Variants in MTBP observed in about 807,000 individuals in gnomAD.
The protein encoded by MTBP is MDM2 binding protein.
In MTBP, 101 loss-of-function variants were observed where a neutral mutation model predicts 117.0. The observed-to-expected ratio is 0.86, with a 90% CI of 0.73 to 1.02. The LOEUF (loss-of-function observed/expected upper bound fraction) is 1.02. Ranked by LOEUF, MTBP falls within the 50% of genes least tolerant of loss-of-function variation. The pLI, the probability that MTBP is intolerant of heterozygous loss-of-function variation, is 0.00. For synonymous variants in MTBP, 350 were observed against 351.5 expected, an observed-to-expected ratio of 1.00 and a Z score of 0.05; for missense variants, 970 against 1,030.9, an observed-to-expected ratio of 0.94 and a Z score of 0.81.
chr8:120,488,362 G>T, intron 12 of MTBP, 30 bp downstream of exon 12: 1 of 1,457,966 alleles, frequency 6.9e-7, no homozygotes, highest in African/African-American at 1.5e-5. Context: ...AGAAAAACAT[G>T]TTTACATTGT....
At position 120,509,824 on chromosome 8, in the gene MTBP, A is replaced by G. The variant is rs1355740115; in HGVS notation, c.1884-110A>G. ...GTGCCTTAACCTTTGTCCCATATAA[A>G]ATTCCAATTGTAGAGGAAAAAGTCA... On this transcript the variant is annotated intron_variant, in intron 16 of 21. Coordinates refer to ENST00000305949, the MANE Select transcript of MTBP (RefSeq NM_022045.5). 8.8e-6 allele frequency: 6 copies of G among 685,706 alleles called. No homozygotes were observed. In the East Asian group the frequency reaches 1.6e-4, roughly 19 times the overall value. 42.5% of individuals were successfully genotyped at this position (685,706 alleles called of 1,614,324 possible).
At chr8:120,491,262 T>TA (rs1246114097) in intron 13 of MTBP, among the ~76,000 whole-genome samples, 1 of 152,136 alleles carries the variant, frequency 6.6e-6, no homozygotes, top group African/African-American at 2.4e-5. Context: ...TCGAATTATA[T>TA]ATTACATATA....
chr8:120,476,446 G>T (rs565447953), intron 11 of MTBP, among the ~76,000 whole-genome samples: 4 of 152,042 alleles, frequency 2.6e-5, no homozygotes, highest in Admixed American at 2.6e-4. Context: ...TATTCAGATA[G>T]GAAGAGAGGA....
chr8:120,462,895 T>G (rs938151124), intron 9 of MTBP, among the ~76,000 whole-genome samples: 2 of 152,180 alleles, frequency 1.3e-5, no homozygotes, highest in African/African-American at 4.8e-5. Context: ...AAAAAGTTGC[T>G]GCATTAAAAA....
At chr8:120,460,143 C>G (rs571849224) in intron 8 of MTBP, among the ~76,000 whole-genome samples, 1 of 152,170 alleles carries the variant, frequency 6.6e-6, no homozygotes, top group Non-Finnish European at 1.5e-5. Flanking sequence ...TTGATTTGAA[C>G]TCATTTCTCA....
At position 120,451,161 on chromosome 8, in the gene MTBP, G is replaced by T. The variant is rs1452406292; in HGVS notation, c.274-10G>T. On this transcript the variant is annotated splice_polypyrimidine_tract_variant and intron_variant, in intron 3 of 21. Coordinates refer to ENST00000305949, the MANE Select transcript of MTBP (RefSeq NM_022045.5). ...GATCCATTATTTAATACAATCTTTT[G>T]ATTTGTTAGTTTTGTAGTTCTGATT... The T allele has an allele frequency of 3.1e-6, 5 of 1,593,432 alleles. No individual in the cohort carries two copies. The highest frequency in any genetic ancestry group is 2.2e-5 in the South Asian group (2 of 88,910).
At chr8:120,503,730 C>G (rs1013515748) in intron 15 of MTBP, among the ~76,000 whole-genome samples, 2 of 152,102 alleles carry the variant, frequency 1.3e-5, no homozygotes, top group African/African-American at 4.8e-5. Context: ...ACAGATGGCT[C>G]TATCTGTAGG....
chr8:120,521,740 GT>G (rs1464255588), intron 20 of MTBP, among the ~76,000 whole-genome samples: 1 of 152,156 alleles, frequency 6.6e-6, no homozygotes, highest in African/African-American at 2.4e-5. Flanking sequence ...GCTTCCTTTT[GT>G]ATGTCATTCT....
intron 20 of MTBP, among the ~76,000 whole-genome samples, chr8:120,521,212 A>C (rs986302259): frequency 6.6e-6 from 1 of 152,202 alleles, no homozygotes; most frequent in South Asian, 2.1e-4. Context: ...ATTTATTGCC[A>C]GTATTTAGGA....
intron 18 of MTBP, among the ~76,000 whole-genome samples, chr8:120,516,773 C>G (rs1814928368): frequency 6.6e-6 from 1 of 151,936 alleles, no homozygotes; most frequent in Non-Finnish European, 1.5e-5. Context: ...ATCTTTAGAA[C>G]CTTTGTCAAA....
intron 10 of MTBP, among the ~76,000 whole-genome samples, chr8:120,466,364 A>C (rs1813694182): frequency 6.6e-6 from 1 of 150,478 alleles, no homozygotes; most frequent in Non-Finnish European, 1.5e-5. Context: ...AGCATACACC[A>C]CCATGGTTGG....
chr8:120,459,152 T>G, intron 7 of MTBP, 63 bp from the exon 8 acceptor site: 1 of 1,354,986 alleles, frequency 7.4e-7, no homozygotes, highest in Non-Finnish European at 1.0e-6. Context: ...TGTAATAAGA[T>G]GTATTAATCT....
intron 11 of MTBP, among the ~76,000 whole-genome samples, chr8:120,478,434 T>C (rs1008376061): frequency 2.0e-5 from 3 of 152,152 alleles, no homozygotes; most frequent in Non-Finnish European, 4.4e-5. Flanking sequence ...TTCAATTTTA[T>C]GTCTTGATAT....
Position 120,451,039 on chromosome 8 carries a change from G to A in MTBP, c.236G>A (p.Trp79Ter). ...GGAGGTATACCTGGTTCCAAGAAGT[G>A]GTTCTTTGCAGTGCAGGCAATATAT... is the stretch of plus-strand genomic sequence containing the variant. ...SVGGIPGSKK[W>*]FFAVQAIYGF... is the part of the protein sequence containing the mutation. Residue 79 changes from tryptophan (W) to a stop codon, truncating the protein, a stop_gained, in exon 3 of 22, where the codon TGG becomes TAG. Transcript: ENST00000305949. LOFTEE classifies it high-confidence loss of function. 1 of 1,612,528 alleles carries A rather than the reference G, an allele frequency of 6.2e-7. No individual in the cohort carries two copies. The highest frequency in any genetic ancestry group is 8.5e-7 in the Non-Finnish European group (1 of 1,179,442).
intron 16 of MTBP, among the ~76,000 whole-genome samples, chr8:120,507,934 G>A (rs554680881): frequency 6.6e-6 from 1 of 151,996 alleles, no homozygotes; most frequent in African/African-American, 2.4e-5. Flanking sequence ...AACTGGCAGA[G>A]TCAGTTGGTT....
intron 4 of MTBP, among the ~76,000 whole-genome samples, chr8:120,453,376 G>T (rs148538210): frequency 6.6e-6 from 1 of 152,072 alleles, no homozygotes; most frequent in African/African-American, 2.4e-5. Context: ...GAACCTGGGG[G>T]ATTGAGGCTG....
At chr8:120,472,288 A>G (rs561553063) in intron 11 of MTBP, 1 of 152,326 alleles carries the variant, frequency 6.6e-6, no homozygotes, top group Admixed American at 6.5e-5. Context: ...TGTAGGTAAG[A>G]TATCTATGTG....
intron 13 of MTBP, among the ~76,000 whole-genome samples, chr8:120,491,774 C>T (rs1814352079): frequency 6.6e-6 from 1 of 152,192 alleles, no homozygotes; most frequent in Non-Finnish European, 1.5e-5. Context: ...GATTCATCTT[C>T]ACCTCTGTTC....
At chr8:120,446,160 G>A (rs185564786) in intron 1 of MTBP, among the ~76,000 whole-genome samples, 1 of 152,308 alleles carries the variant, frequency 6.6e-6, no homozygotes, top group African/African-American at 2.4e-5. Context: ...TGTGTATAAG[G>A]TATTGTCACA....
Sources: gnomAD v4.1 joint callset for allele counts (sites outside exome capture counted in the v4.1 genomes callset) on GRCh38, gnomAD v4.1.1 for gene constraint, MANE v1.5 for transcripts, NCBI Gene and HGNC (gene_info 2026-07-23, HGNC 2026-07-21) for gene names.